The following SEPTIN9 variants were observed in gnomAD, a reference collection of about 807,000 sequenced individuals.
The protein encoded by SEPTIN9 is septin-9.
In SEPTIN9, 13 loss-of-function variants were observed where a neutral mutation model predicts 56.6. That is an observed-to-expected ratio of 0.23 (90% CI 0.15 to 0.37). The LOEUF (loss-of-function observed/expected upper bound fraction) is 0.37, where lower values mean the gene tolerates loss of function less well. SEPTIN9 is among the 10% of genes least tolerant of loss of function. The pLI is 1.00. For missense variants in SEPTIN9, 650 were observed against 823.1 expected, an observed-to-expected ratio of 0.79 and a Z score of 2.57; for synonymous variants, 332 against 334.1, an observed-to-expected ratio of 0.99 and a Z score of 0.07.
intron 2 of SEPTIN9, among the ~76,000 whole-genome samples, chr17:77,385,805 T>C (rs751893344): frequency 8.5e-5 from 13 of 152,160 alleles, no homozygotes; most frequent in African/African-American, 1.2e-4. Context: ...CCACAAGGAA[T>C]GTGGGCCAAA....
chr17:77,347,740 T>C (rs915895281), intron 2 of SEPTIN9, among the ~76,000 whole-genome samples: 4 of 152,120 alleles, frequency 2.6e-5, no homozygotes, highest in Non-Finnish European at 5.9e-5. Flanking sequence ...CAGTAGAAAC[T>C]GTACTTTAAG....
intron 5 of SEPTIN9, 100 bp from the exon 6 acceptor site, chr17:77,488,140 A>G: frequency 9.3e-7 from 1 of 1,074,018 alleles, no homozygotes; most frequent in Non-Finnish European, 1.4e-6. Context: ...CTTGGTTGTC[A>G]TCGCTGCCTA....
intron 3 of SEPTIN9, among the ~76,000 whole-genome samples, chr17:77,419,351 G>A (rs1305594297): frequency 1.5e-5 from 2 of 129,924 alleles, no homozygotes; most frequent in Admixed American, 7.2e-5. Context: ...TAACAGGCCC[G>A]TGGTCAGCAG....
intron 3 of SEPTIN9, among the ~76,000 whole-genome samples, chr17:77,410,764 C>T (rs1459077764): frequency 6.6e-6 from 1 of 152,222 alleles, no homozygotes; most frequent in Admixed American, 6.5e-5. Flanking sequence ...AATCAGCAAG[C>T]AGGCCTTGTC....
At chr17:77,336,889 G>T (rs549936055) in intron 2 of SEPTIN9, among the ~76,000 whole-genome samples, 9 of 151,612 alleles carry the variant, frequency 5.9e-5, no homozygotes, top group Non-Finnish European at 1.2e-4. Context: ...TTTTTAACAT[G>T]AATGGGTATG....
chr17:77,431,939 T>C (rs312902), intron 3 of SEPTIN9, among the ~76,000 whole-genome samples: 21,557 of 150,702 alleles, frequency 0.14, 4,330 homozygotes, highest in African/African-American at 0.45. Context: ...TGAGGCCAAA[T>C]AGCCATGGGA....
chr17:77,482,190 C>A lies in SEPTIN9; in HGVS notation c.768C>A (p.Pro256=). The A allele has an allele frequency of 6.2e-7, 1 of 1,608,494 alleles. No homozygotes were observed. Among genetic ancestry groups the A allele is most frequent in the Non-Finnish European group, 8.5e-7 (1 of 1,178,082 alleles). The change falls in exon 4 of 12, where the codon CCC becomes CCA. Residue 256 remains proline, a synonymous_variant. Coordinates refer to ENST00000427177, the MANE Select transcript of SEPTIN9 (RefSeq NM_001113491.2). Reference sequence around the variant, plus strand: ...GCGTTGGCGACATGGCCGACACCCCCAGAGATGCCGGGCTCAAGCAGGCGC... The same window carrying A: ...GCGTTGGCGACATGGCCGACACCCCAAGAGATGCCGGGCTCAAGCAGGCGC... ...PSCVGDMADT[P]RDAGLKQAPA... is the part of the protein sequence containing the mutation.
chr17:77,317,922 G>A lies in SEPTIN9; in HGVS notation c.76+10725G>A, dbSNP rs1237368487. On this transcript the variant is annotated intron_variant, in intron 2 of 11. Transcript: ENST00000427177. The surrounding 1 kb of genome is among the most constrained non-coding windows in gnomAD (Gnocchi z 4.2). ...AAAAATTAGCCGGACACGGTGGCAG[G>A]CGTCTGTAGTCCCAGCTTCTTGGGA... 1.3e-5 allele frequency among the ~76,000 whole-genome samples: 2 copies of A among 152,090 alleles called. No homozygotes were observed. The highest frequency in any genetic ancestry group is 2.1e-4 in the South Asian group (1 of 4,830).
intron 2 of SEPTIN9, chr17:77,320,142 G>A: frequency 1.3e-6 from 2 of 1,500,892 alleles, no homozygotes; most frequent in Non-Finnish European, 1.8e-6. Flanking sequence ...ACATGGAAAT[G>A]TGGTAATTCG....
chr17:77,289,458 G>C (rs1394909646), intron 1 of SEPTIN9, among the ~76,000 whole-genome samples: 2 of 145,822 alleles, frequency 1.4e-5, no homozygotes, highest in Non-Finnish European at 3.0e-5. Context: ...GCCCAGGCTG[G>C]AGTGCAAAGG....
intron 3 of SEPTIN9, among the ~76,000 whole-genome samples, chr17:77,417,575 A>G (rs1426603117): frequency 6.6e-6 from 1 of 152,242 alleles, no homozygotes. Flanking sequence ...CTTAGTGTGT[A>G]TAGAATTTTC....
At chr17:77,286,824 A>C (rs1313542604) in intron 1 of SEPTIN9, among the ~76,000 whole-genome samples, 1 of 152,204 alleles carries the variant, frequency 6.6e-6, no homozygotes, top group Non-Finnish European at 1.5e-5. Flanking sequence ...TCCTGGGCAG[A>C]TCCAGCTGGC....
chr17:77,318,765 G>A lies in SEPTIN9; in HGVS notation c.76+11568G>A, dbSNP rs755660487. ...AGAGCGGACGGGACTGTGGCCTGAA[G>A]TGGCACTTCAGGGCCTTTGGCTCTG... On this transcript the variant is annotated intron_variant, in intron 2 of 11. Coordinates refer to ENST00000427177, the MANE Select transcript of SEPTIN9 (RefSeq NM_001113491.2). The surrounding 1 kb of genome is among the most constrained non-coding windows in gnomAD (Gnocchi z 4.9). 6.6e-6 allele frequency among the ~76,000 whole-genome samples: 1 copy of A among 152,172 alleles called. No homozygotes were observed. The highest frequency in any genetic ancestry group is 1.5e-5 in the Non-Finnish European group (1 of 68,026).
intron 3 of SEPTIN9, among the ~76,000 whole-genome samples, chr17:77,466,715 C>T (rs2038750358): frequency 1.3e-5 from 2 of 152,182 alleles, no homozygotes; most frequent in African/African-American, 4.8e-5. Flanking sequence ...TCACAGCGTT[C>T]ATAAGAACAC....
intron 2 of SEPTIN9, among the ~76,000 whole-genome samples, chr17:77,311,974 C>G (rs1432041395): frequency 6.6e-6 from 1 of 152,176 alleles, no homozygotes; most frequent in Non-Finnish European, 1.5e-5. Flanking sequence ...CCCAGGTTTG[C>G]AAGCAGGAAA....
At chr17:77,362,509 G>T (rs924073620) in intron 2 of SEPTIN9, among the ~76,000 whole-genome samples, 6 of 152,186 alleles carry the variant, frequency 3.9e-5, no homozygotes, top group Admixed American at 3.3e-4. Context: ...TGCAGCAAAA[G>T]AATTCTCTAA....
chr17:77,438,140 G>A (rs1468475639), intron 3 of SEPTIN9, among the ~76,000 whole-genome samples: 1 of 152,224 alleles, frequency 6.6e-6, no homozygotes, highest in African/African-American at 2.4e-5. Context: ...GAAGCCGTTG[G>A]GCCGAGGTCA....
At chr17:77,480,179 C>T (rs2039397651) in intron 3 of SEPTIN9, among the ~76,000 whole-genome samples, 2 of 152,192 alleles carry the variant, frequency 1.3e-5, no homozygotes, top group Admixed American at 6.5e-5. Context: ...CATTTCCCAA[C>T]AAGGAATTAT....
In SEPTIN9 at chr17:77,482,132, T is replaced by G; in HGVS notation, c.722-12T>G. 1 of 1,554,018 alleles carries G rather than the reference T, an allele frequency of 6.4e-7. No homozygotes were observed. The highest frequency in any genetic ancestry group is 8.7e-7 in the Non-Finnish European group (1 of 1,150,164). On this transcript the variant is annotated splice_polypyrimidine_tract_variant and intron_variant, in intron 3 of 11. Transcript: ENST00000427177. ...CTGTTCCGCTCTAACTCCTCTGCTG[T>G]TCCTTCCCCAGCCACTGAGGCGGCT...
Sources: allele counts gnomAD v4.1 joint callset (sites outside exome capture counted in the v4.1 genomes callset), GRCh38; gene constraint gnomAD v4.1.1; non-coding constraint Gnocchi (gnomAD v3.1); transcripts MANE v1.5; gene names NCBI Gene and HGNC (gene_info 2026-07-23, HGNC 2026-07-21).